The following CCDC57 variants were observed in gnomAD, a reference collection of about 807,000 sequenced individuals.
CCDC57 encodes the protein coiled-coil domain containing 57.
CCDC57 carries 118 observed loss-of-function variants against 118.9 expected under a neutral mutation model. That is an observed-to-expected ratio of 0.99 (90% CI 0.86 to 1.16). CCDC57 has a LOEUF of 1.16. CCDC57 is among the 50% of genes most tolerant of loss of function. The probability of loss-of-function intolerance (pLI) is 0.00; values close to 1 mark genes in which losing one functional copy is unlikely to be tolerated. For missense variants in CCDC57, 1,300 were observed against 1,320.7 expected, an observed-to-expected ratio of 0.98 and a Z score of 0.24; for synonymous variants, 527 against 532.9, an observed-to-expected ratio of 0.99 and a Z score of 0.15.
At chr17:82,211,919 C>T (rs1036239240) in intron 1 of CCDC57, among the ~76,000 whole-genome samples, 1 of 152,144 alleles carries the variant, frequency 6.6e-6, no homozygotes, top group African/African-American at 2.4e-5. Flanking sequence ...AGCCCCTGTA[C>T]CTGGAACTGT....
intron 16 of CCDC57, among the ~76,000 whole-genome samples, chr17:82,146,893 G>GCA (rs1041166184): frequency 6.6e-6 from 1 of 152,130 alleles, no homozygotes; most frequent in African/African-American, 2.4e-5. Context: ...AAACGTGTGT[G>GCA]CACACACACA....
In CCDC57 at chr17:82,107,834, C is replaced by G. The variant is rs576065507; in HGVS notation, c.2900-5968G>C. 2.0e-5 allele frequency among the ~76,000 whole-genome samples: 3 copies of G among 152,302 alleles called. No homozygotes were observed. In the East Asian group the frequency reaches 5.8e-4, roughly 29 times the overall value. ...CTCCTGCCTCAGCTGCTCTCAGCAT[C>G]CTACAGTGCCATCGGGTGCTCTCAG... On this transcript the variant is annotated intron_variant, in intron 19 of 19. Transcript: ENST00000665763.
At chr17:82,200,235 G>T (rs936326950) in intron 3 of CCDC57, among the ~76,000 whole-genome samples, 5 of 152,144 alleles carry the variant, frequency 3.3e-5, no homozygotes, top group Admixed American at 1.3e-4. Context: ...CACAACAGAG[G>T]GTAGCTGGTC....
At chr17:82,140,381 T>C (rs8082634) in intron 16 of CCDC57, among the ~76,000 whole-genome samples, 71,897 of 151,472 alleles carry the variant, frequency 0.47, 17,752 homozygotes, top group East Asian at 0.88. Context: ...CCACCACGCC[T>C]GACCAATTTT....
intron 19 of CCDC57, chr17:82,126,816 A>G: frequency 1.0e-6 from 1 of 985,480 alleles, no homozygotes; most frequent in Non-Finnish European, 1.2e-6. Context: ...AGGACTGGAA[A>G]TAGCCTAAAA....
intron 3 of CCDC57, 51 bp from the exon 3 acceptor site, chr17:82,198,473 G>C (rs2048563751): frequency 7.9e-7 from 1 of 1,264,140 alleles, no homozygotes; most frequent in African/African-American, 1.5e-5. Flanking sequence ...ATTCAGCAAA[G>C]GTAATACATT....
In CCDC57 at chr17:82,172,127, C is replaced by T. The variant is rs1162707693; in HGVS notation, c.1730-274G>A. Among the ~76,000 whole-genome samples, 1 of 152,232 alleles carries T rather than the reference C, an allele frequency of 6.6e-6. No homozygotes were observed. The highest frequency in any genetic ancestry group is 2.4e-5 in the African/African-American group (1 of 41,460). On this transcript the variant is annotated intron_variant, in intron 12 of 19. Transcript: ENST00000665763. The surrounding 1 kb of genome is among the most constrained non-coding windows in gnomAD (Gnocchi z 5.2). ...AGGGCTCAGTGATCAGGAGCAAATG[C>T]TCCACCTGCCGCCAGCCCACGTGCC...
intron 8 of CCDC57, 149 bp from the exon 8 acceptor site, chr17:82,184,081 A>C: frequency 1.8e-6 from 1 of 565,018 alleles, no homozygotes; most frequent in Non-Finnish European, 3.1e-6. Flanking sequence ...ACACACACAC[A>C]CAGCTCTCGA....
chr17:82,105,545 G>A (rs756860663), intron 19 of CCDC57, among the ~76,000 whole-genome samples: 2 of 151,986 alleles, frequency 1.3e-5, no homozygotes, highest in Admixed American at 6.6e-5. Flanking sequence ...CACAGGCCAC[G>A]CCCACCCGTG....
At chr17:82,153,470 G>A (rs1004611846) in intron 15 of CCDC57, 2 of 152,214 alleles carry the variant, frequency 1.3e-5, no homozygotes, top group Non-Finnish European at 2.9e-5. Context: ...GAGGGGCACT[G>A]AGGGGCCTTC....
intron 11 of CCDC57, among the ~76,000 whole-genome samples, chr17:82,173,776 A>ACCC (rs200947992): frequency 0.016 from 2,427 of 152,130 alleles, 34 homozygotes; most frequent in Middle Eastern, 0.037. Context: ...GGGATGACAG[A>ACCC]CCCCGCAAGG....
intron 17 of CCDC57, among the ~76,000 whole-genome samples, chr17:82,133,788 A>C (rs948128781): frequency 1.3e-5 from 2 of 151,910 alleles, no homozygotes; most frequent in African/African-American, 4.8e-5. Flanking sequence ...TTGAACCGGG[A>C]GGGGGAGGTT....
In CCDC57 at chr17:82,172,011, CTCTG is replaced by C. The variant is rs144477175; in HGVS notation, c.1730-162_1730-159del. On this transcript the variant is annotated intron_variant, in intron 12 of 19. Coordinates refer to ENST00000665763, the Ensembl canonical transcript of CCDC57. The surrounding 1 kb of genome is among the most constrained non-coding windows in gnomAD (Gnocchi z 5.2). Reference sequence around the variant, plus strand: ...ACAGCTTCACCGTAGTTTCCACACTCTCTGTGTGTGTCAGACTGAAAGACCTTCC... The same window carrying C: ...ACAGCTTCACCGTAGTTTCCACACTCTGTGTGTCAGACTGAAAGACCTTCC... Among the ~76,000 whole-genome samples the C allele has an allele frequency of 1.9e-4, 29 of 152,352 alleles. No homozygotes were observed. The East Asian group carries it at 5.6e-3, about 29-fold the overall frequency.
intron 4 of CCDC57, 95 bp from the exon 4 acceptor site, chr17:82,195,459 C>A: frequency 1.1e-6 from 1 of 938,978 alleles, no homozygotes; most frequent in Non-Finnish European, 1.7e-6. Context: ...GTGAGCAGGA[C>A]ACAGTGTTTA....
At chr17:82,196,670 C>G (rs2048330739) in intron 4 of CCDC57, among the ~76,000 whole-genome samples, 1 of 148,698 alleles carries the variant, frequency 6.7e-6, no homozygotes, top group Admixed American at 6.7e-5. Flanking sequence ...TTATGACACC[C>G]CCATAGACAC....
chr17:82,197,133 C>A (rs1036730055), intron 4 of CCDC57, among the ~76,000 whole-genome samples: 4 of 150,948 alleles, frequency 2.6e-5, no homozygotes, highest in Non-Finnish European at 4.4e-5. Context: ...CCTGCACCTG[C>A]AGAGACACAG....
At chr17:82,126,908 G>A (rs1425879856) in intron 19 of CCDC57, 5 of 985,234 alleles carry the variant, frequency 5.1e-6, no homozygotes, top group African/African-American at 3.5e-5. Flanking sequence ...AGAAGGGGAC[G>A]CCCTCCATGC....
chr17:82,162,654 C>A, intron 14 of CCDC57, among the ~76,000 whole-genome samples: 1 of 14,072 alleles, frequency 7.1e-5, no homozygotes. Flanking sequence ...TCGGGCAGCC[C>A]GCACACACGC....
intron 3 of CCDC57, among the ~76,000 whole-genome samples, chr17:82,200,006 G>A (rs918630236): frequency 3.9e-5 from 6 of 152,240 alleles, no homozygotes; most frequent in African/African-American, 1.2e-4. Flanking sequence ...TGCAGGGACT[G>A]CAGACGCGAT....
Sources: gnomAD v4.1 joint callset for allele counts (sites outside exome capture counted in the v4.1 genomes callset) on GRCh38, gnomAD v4.1.1 for gene constraint, Gnocchi (gnomAD v3.1) non-coding constraint, MANE v1.5 for transcripts, NCBI Gene and HGNC (gene_info 2026-07-23, HGNC 2026-07-21) for gene names.